VRK3: variants seen among roughly 807,000 people sequenced by gnomAD.
VRK3 encodes the protein VRK serine/threonine kinase 3.
A neutral mutation model predicts 60.4 loss-of-function variants in VRK3; 50 were observed. The ratio of observed to expected loss-of-function variants is 0.83; its 90% confidence interval spans 0.66 to 1.05. The LOEUF (loss-of-function observed/expected upper bound fraction) is 1.05. VRK3 is among the 50% of genes least tolerant of loss of function. The pLI is 0.00. For missense variants in VRK3, 549 were observed against 585.3 expected (o/e 0.94, Z 0.64); for synonymous variants, 246 against 227.8 (o/e 1.08, Z -0.72).
chr19:49,990,830 G>A (rs932698302), intron 10 of VRK3, among the ~76,000 whole-genome samples: 7 of 151,826 alleles, frequency 4.6e-5, no homozygotes, highest in Non-Finnish European at 1.0e-4. Flanking sequence ...GGTCACGCAG[G>A]TTGGAGTGCA....
rs374964866 is a variant in VRK3, at chr19:49,995,229, A to C, written c.726T>G (p.Pro242=). The C allele has an allele frequency of 1.9e-6, 3 of 1,614,206 alleles. No individual in the cohort carries two copies. In the African/African-American group the frequency reaches 4.0e-5, roughly 22 times the overall value. ...KLYSTPLLAI[P]TCMGFGVHQD... is the part of the protein sequence containing the mutation. Reference sequence around the variant, plus strand: ...GGTGAACACCGAAACCCATGCAGGTAGGGATGGCCAGCAGTGGGGTCGAGT... The same window carrying C: ...GGTGAACACCGAAACCCATGCAGGTCGGGATGGCCAGCAGTGGGGTCGAGT... Residue 242 remains proline (P), a synonymous_variant, in exon 8 of 15, where the codon CCT becomes CCG. Transcript: ENST00000316763.
intron 14 of VRK3, among the ~76,000 whole-genome samples, chr19:49,977,238 C>T (rs921800844): frequency 9.9e-5 from 15 of 151,688 alleles, no homozygotes; most frequent in Non-Finnish European, 1.5e-4. Context: ...GCATCGTGCA[C>T]GGGGGAGGAA....
At chr19:50,003,025 C>T (rs922934586) in intron 5 of VRK3, among the ~76,000 whole-genome samples, 6 of 152,202 alleles carry the variant, frequency 3.9e-5, no homozygotes, top group Non-Finnish European at 8.8e-5. Flanking sequence ...TTTCACTCTC[C>T]TGACTGCAGC....
At position 49,977,077 on chromosome 19, in the gene VRK3, G is replaced by C. The variant is rs541605058; in HGVS notation, c.*12-293C>G. On this transcript the variant is annotated intron_variant, in intron 14 of 14. Coordinates refer to ENST00000316763, the MANE Select transcript of VRK3 (RefSeq NM_016440.4). ...GAGGCAGTGAGGATGCCTCATGGAG[G>C]ATGGGGAAGGCCTCGGGTCTTGAGA... 7.9e-5 allele frequency among the ~76,000 whole-genome samples: 12 copies of C among 152,272 alleles called. No homozygotes were observed. The South Asian group carries it at 2.5e-3, about 32-fold the overall frequency.
chr19:50,008,846 G>A, intron 4 of VRK3: 1 of 161,820 alleles, frequency 6.2e-6, no homozygotes. Flanking sequence ...GAACGAAGGT[G>A]AGAGTGCCCT....
chr19:49,999,132 T>C (rs899274599), intron 6 of VRK3: 3 of 151,696 alleles, frequency 2.0e-5, no homozygotes, highest in Non-Finnish European at 4.4e-5. Flanking sequence ...CAAACAAAAA[T>C]CCAAAAGAAT....
rs2076680837 is a variant in VRK3, at chr19:49,995,212, C to T, written c.743G>A (p.Gly248Asp). ...LLAIPTCMGF[G>D]VHQDKYRFLV... The stretch of plus-strand genomic sequence containing the variant: ...TCACCTGTATTTGTCCTGGTGAACA[C>T]CGAAACCCATGCAGGTAGGGATGGC... Residue 248 changes from glycine to aspartate, a missense_variant, in exon 8 of 15, where the codon GGT (glycine) becomes GAT (aspartate). Coordinates refer to ENST00000316763, the MANE Select transcript of VRK3 (RefSeq NM_016440.4). The T allele has an allele frequency of 3.1e-6, 5 of 1,614,200 alleles. No individual in the cohort carries two copies. The highest frequency in any genetic ancestry group is 3.4e-6 in the Non-Finnish European group (4 of 1,180,040).
At chr19:50,001,145 G>A (rs1292111755) in intron 5 of VRK3, 1 of 348,530 alleles carries the variant, frequency 2.9e-6, no homozygotes, top group African/African-American at 2.1e-5. Context: ...AATCCCCTAA[G>A]TGAGTGGGGC....
At position 50,015,414 on chromosome 19, in the gene VRK3, T is replaced by C. The variant is rs548999821; in HGVS notation, c.139+610A>G. Among the ~76,000 whole-genome samples, 229 of 152,196 alleles carry C rather than the reference T, an allele frequency of 1.5e-3. 2 individuals are homozygous for C. The highest frequency in any genetic ancestry group is 2.6e-3 in the Non-Finnish European group (177 of 68,014). On this transcript the variant is annotated intron_variant, in intron 3 of 14. Transcript: ENST00000316763. ...ACCTCCGCCTCCTGGGTTCAAGCAA[T>C]TCTCCTGCCTCAGACTCCCAAGTAG...
chr19:49,979,390 T>C, intron 13 of VRK3, 148 bp from the exon 14 acceptor site: 1 of 1,139,248 alleles, frequency 8.8e-7, no homozygotes, highest in South Asian at 1.5e-5. Context: ...TTGCCTGGCA[T>C]TGCCAGAGGA....
At position 50,009,387 on chromosome 19, in the gene VRK3, TAAAG is replaced by T. The variant is rs747769149; in HGVS notation, c.140-6_140-3del. 19 of 1,613,080 alleles carry T rather than the reference TAAAG, an allele frequency of 1.2e-5. No homozygotes were observed. The highest frequency in any genetic ancestry group is 3.3e-5 in the South Asian group (3 of 91,008). On this transcript the variant is annotated splice_region_variant and splice_polypyrimidine_tract_variant and intron_variant, in intron 3 of 14. Coordinates refer to ENST00000316763, the MANE Select transcript of VRK3 (RefSeq NM_016440.4). ...TGGAGTTCAGCCCTCTCTTTGAGCCTAAAGAAAGGCAGACAAAATGCAGACTGGA... is the reference window on the plus strand; with the variant it reads ...TGGAGTTCAGCCCTCTCTTTGAGCCTAAAGGCAGACAAAATGCAGACTGGA...
chr19:49,981,793 GACACAC>G (rs150610662), intron 12 of VRK3: 45 of 1,026,418 alleles, frequency 4.4e-5, no homozygotes, highest in Admixed American at 5.3e-5. Context: ...CACACACACA[GACACAC>G]ACACACACAC....
intron 2 of VRK3, among the ~76,000 whole-genome samples, chr19:50,017,884 C>G (rs544907214): frequency 1.2e-4 from 19 of 152,244 alleles, no homozygotes; most frequent in African/African-American, 4.3e-4. Context: ...TGGTCTGGAA[C>G]TCCTGGCCTC....
chr19:50,000,791 A>T lies in VRK3; in HGVS notation c.611T>A (p.Leu204Gln). 6.2e-7 allele frequency: 1 copy of T among 1,613,028 alleles called. No homozygotes were observed. Among genetic ancestry groups the T allele is most frequent in the Non-Finnish European group, 8.5e-7 (1 of 1,179,580 alleles). Residue 204 changes from leucine to glutamine, a missense_variant and splice_region_variant, in exon 6 of 15, where the codon CTG becomes CAG. Transcript: ENST00000316763. Reference sequence around the variant, plus strand: ...CCCCCCACCTGCAGGGTCACTTACCAGTTTGAGTGAGAACTTTTGCTTCTG... The same window carrying T: ...CCCCCCACCTGCAGGGTCACTTACCTGTTTGAGTGAGAACTTTTGCTTCTG... ...GPQKQKFSLK[L>Q]DAKDGRLFNE...
At chr19:50,008,826 A>G in intron 4 of VRK3, 1 of 158,268 alleles carries the variant, frequency 6.3e-6, no homozygotes, top group Non-Finnish European at 1.4e-5. Context: ...GTGGCAGTAC[A>G]CAAGGCCAAG....
chr19:49,981,716 A>G lies in VRK3; in HGVS notation c.1218-703T>C, dbSNP rs932976912. On this transcript the variant is annotated intron_variant, in intron 12 of 14. Transcript: ENST00000316763. ...GGAAAGATCCAAGATGGAAATAAAG[A>G]TTTTATTACTTACAGGTCCTGGGGG... 4.0e-6 allele frequency: 4 copies of G among 1,000,940 alleles called. No individual in the cohort carries two copies. The Admixed American group carries it at 1.7e-4, about 42-fold the overall frequency. The allele number at this position is 1,000,940 out of a possible 1,614,324, so 62.0% of individuals were successfully genotyped here. A position where few individuals can be genotyped will look rare whatever the true frequency, so the allele number is the denominator to read the frequency against.
chr19:50,008,313 C>T (rs2076935520), intron 4 of VRK3, among the ~76,000 whole-genome samples: 1 of 152,160 alleles, frequency 6.6e-6, no homozygotes, highest in Admixed American at 6.5e-5. Flanking sequence ...CAAAGCCCTG[C>T]CCTAGAAGGG....
At chr19:49,977,500 AC>A in intron 14 of VRK3, among the ~76,000 whole-genome samples, 1 of 152,202 alleles carries the variant, frequency 6.6e-6, no homozygotes, top group Middle Eastern at 3.4e-3. Flanking sequence ...AGTGGCACTG[AC>A]GACGGGAAGC....
intron 3 of VRK3, among the ~76,000 whole-genome samples, chr19:50,012,161 G>T (rs67553371): frequency 0.18 from 26,791 of 151,954 alleles, 2,589 homozygotes; most frequent in East Asian, 0.33. Context: ...AGCAGAGACA[G>T]GGTTTCTCCA....
Sources: gnomAD v4.1 joint callset for allele counts (sites outside exome capture counted in the v4.1 genomes callset) on GRCh38, gnomAD v4.1.1 for gene constraint, MANE v1.5 for transcripts, NCBI Gene and HGNC (gene_info 2026-07-23, HGNC 2026-07-21) for gene names.